ADCY3: variants seen among roughly 807,000 people sequenced by gnomAD.
The protein encoded by ADCY3 is adenylate cyclase type 3.
ADCY3 carries 70 observed loss-of-function variants against 119.4 expected under a neutral mutation model. The ratio of observed to expected loss-of-function variants is 0.59; its 90% CI spans 0.48 to 0.72. The LOEUF (loss-of-function observed/expected upper bound fraction) is 0.72. Ranked by LOEUF, ADCY3 falls within the 30% of genes least tolerant of loss-of-function variation. The probability of loss-of-function intolerance (pLI) is 0.00; values close to 1 mark genes in which losing one functional copy is unlikely to be tolerated. For synonymous variants in ADCY3, 672 were observed against 621.4 expected (o/e 1.08, Z -1.21); for missense variants, 1,238 against 1,541.6 (o/e 0.80, Z 3.30).
At chr2:24,836,656 G>A (rs992909798) in intron 9 of ADCY3, among the ~76,000 whole-genome samples, 34 of 152,198 alleles carry the variant, frequency 2.2e-4, no homozygotes, top group African/African-American at 7.0e-4. Flanking sequence ...ACAGGATTCC[G>A]GGCCATCAGA....
chr2:24,838,659 G>A (rs1428605421), intron 7 of ADCY3, 37 bp from the exon 8 acceptor site: 1 of 1,610,660 alleles, frequency 6.2e-7, no homozygotes, highest in Admixed American at 1.7e-5. Flanking sequence ...GCGTCGGCCA[G>A]AGGTGGCCCT....
chr2:24,829,650 C>T (rs1294216594), intron 13 of ADCY3, among the ~76,000 whole-genome samples: 2 of 151,588 alleles, frequency 1.3e-5, no homozygotes, highest in African/African-American at 4.9e-5. Flanking sequence ...TTTCGATCTC[C>T]TGACCTCGTG....
chr2:24,819,844 C>CA lies in ADCY3; in HGVS notation c.*87dup. On this transcript the variant is annotated 3_prime_UTR_variant, in exon 22 of 22. Transcript: ENST00000679454. ...TCTAAACCTAAAGTCCATGAGTGTGCACTTCAATCCAGGAAGGTCGGGACT... is the reference window on the plus strand; with the variant it reads ...TCTAAACCTAAAGTCCATGAGTGTGCAACTTCAATCCAGGAAGGTCGGGACT... 1 of 1,380,762 alleles carries CA rather than the reference C, an allele frequency of 7.2e-7. No homozygotes were observed. The highest frequency in any genetic ancestry group is 9.9e-7 in the Non-Finnish European group (1 of 1,005,924). The allele number at this position is 1,380,762 out of a possible 1,614,324, so 85.5% of individuals were successfully genotyped here.
Position 24,820,005 on chromosome 2 carries a change from C to T in ADCY3, c.3362G>A (p.Gly1121Glu), listed in dbSNP as rs764830082. The change falls in exon 22 of 22, where the codon GGG becomes GAG. Residue 1121 changes from glycine to glutamate, a missense_variant. Transcript: ENST00000679454. ...GGGGAAGGTGGCTAGCTTATCCCGC[C>T]CCTTCAAGAAGAAGGTCAGCAGCTC... Reference protein sequence around the residue: ...KGELLTFFLKGRDKLATFPNG... With the variant: ...KGELLTFFLKERDKLATFPNG... 1 of 1,612,826 alleles carries T rather than the reference C, an allele frequency of 6.2e-7. No individual in the cohort carries two copies. The highest frequency in any genetic ancestry group is 8.5e-7 in the Non-Finnish European group (1 of 1,179,376).
chr2:24,869,039 A>T (rs1674653671), intron 3 of ADCY3, among the ~76,000 whole-genome samples: 1 of 152,184 alleles, frequency 6.6e-6, no homozygotes, highest in African/African-American at 2.4e-5. Context: ...AAATAAATAA[A>T]TCAGAGATAA....
chr2:24,820,799 T>C lies in ADCY3; in HGVS notation c.3177A>G (p.Pro1059=). ...VLAGVIGARK[P]HYDIWGNTVN... ...CTGTATTGCCCCAGATGTCGTAGTG[T>C]GGTTTCCGGGCTCCGATGACCCCAG... Residue 1059 remains proline (P), a synonymous_variant, in exon 21 of 22, where the codon CCA becomes CCG. Coordinates refer to ENST00000679454, the MANE Select transcript of ADCY3 (RefSeq NM_004036.5). 1.2e-6 allele frequency: 2 copies of C among 1,614,124 alleles called. No homozygotes were observed. Among genetic ancestry groups the C allele is most frequent in the South Asian group, 2.2e-5 (2 of 91,076 alleles).
At chr2:24,824,686 C>T (rs1029605971) in intron 16 of ADCY3, 150 bp from the exon 17 acceptor site, 12 of 727,388 alleles carry the variant, frequency 1.6e-5, no homozygotes, top group South Asian at 1.1e-4. Flanking sequence ...GTCAGGAGTT[C>T]GAGACCAGCC....
Position 24,842,044 on chromosome 2 carries a change from T to C in ADCY3, c.956+210A>G, listed in dbSNP as rs1048398047. Reference sequence around the variant, plus strand: ...TCCCCGCTCCAGGTGATATCTGTTCTATGATGGGGTTGGACCAAGCAGCCT... The same window carrying C: ...TCCCCGCTCCAGGTGATATCTGTTCCATGATGGGGTTGGACCAAGCAGCCT... On this transcript the variant is annotated intron_variant, in intron 4 of 21. Coordinates refer to ENST00000679454, the MANE Select transcript of ADCY3 (RefSeq NM_004036.5). This position sits in a 1 kb window ranked among gnomAD's most constrained non-coding sequence, Gnocchi z 4.9. Among the ~76,000 whole-genome samples, 20 of 152,190 alleles carry C rather than the reference T, an allele frequency of 1.3e-4. No individual in the cohort carries two copies. Among genetic ancestry groups the C allele is most frequent in the African/African-American group, 4.8e-4 (20 of 41,442 alleles).
Position 24,858,081 on chromosome 2 carries a change from C to T in ADCY3, c.825+14489G>A, listed in dbSNP as rs555040886. Among the ~76,000 whole-genome samples the T allele has an allele frequency of 5.3e-5, 8 of 150,042 alleles. No homozygotes were observed. The Admixed American group carries it at 5.3e-4, about 10-fold the overall frequency. On this transcript the variant is annotated intron_variant, in intron 3 of 21. Coordinates refer to ENST00000679454, the MANE Select transcript of ADCY3 (RefSeq NM_004036.5). ...AAGTGTAGTCACAGCTCACTGCACA[C>T]TGATCTTGCTGGGCTCAGGTGATCC...
chr2:24,862,577 A>T (rs1474572887), intron 3 of ADCY3, among the ~76,000 whole-genome samples: 1 of 151,952 alleles, frequency 6.6e-6, no homozygotes, highest in African/African-American at 2.4e-5. Flanking sequence ...TAAAAAAAAT[A>T]AAAACAAATA....
chr2:24,860,746 T>C (rs1319738600), intron 3 of ADCY3, among the ~76,000 whole-genome samples: 3 of 151,994 alleles, frequency 2.0e-5, no homozygotes, highest in African/African-American at 7.3e-5. Context: ...CATCTGGGAG[T>C]TGACTGTCAT....
chr2:24,889,073 G>A (rs924386349), intron 2 of ADCY3, among the ~76,000 whole-genome samples: 11 of 152,178 alleles, frequency 7.2e-5, no homozygotes, highest in African/African-American at 2.7e-4. Context: ...ATTGATACAC[G>A]CACCTTCTGC....
chr2:24,862,517 G>T (rs1027426105), intron 3 of ADCY3, among the ~76,000 whole-genome samples: 4 of 150,554 alleles, frequency 2.7e-5, no homozygotes, highest in Non-Finnish European at 5.9e-5. Context: ...CTGCACTCCA[G>T]CCTCGGGGAC....
chr2:24,856,087 C>G (rs896958495), intron 3 of ADCY3, among the ~76,000 whole-genome samples: 10 of 152,194 alleles, frequency 6.6e-5, no homozygotes, highest in Non-Finnish European at 1.5e-4. Flanking sequence ...TGGTGAGAAG[C>G]TAAGTTTCTA....
At chr2:24,897,555 C>T (rs1022379240) in intron 2 of ADCY3, among the ~76,000 whole-genome samples, 8 of 152,168 alleles carry the variant, frequency 5.3e-5, no homozygotes, top group African/African-American at 9.7e-5. Context: ...CAGTGCCCGG[C>T]GCGAAACAGG....
intron 2 of ADCY3, among the ~76,000 whole-genome samples, chr2:24,917,405 G>A (rs1358918388): frequency 2.0e-5 from 3 of 152,214 alleles, no homozygotes; most frequent in Non-Finnish European, 4.4e-5. Context: ...GAGGCTGGCA[G>A]GCTGGGCACC....
intron 21 of ADCY3, chr2:24,820,357 T>C (rs1667414341): frequency 1.5e-6 from 2 of 1,327,032 alleles, no homozygotes; most frequent in African/African-American, 1.5e-5. Context: ...AGGATGGCCA[T>C]GGTCACCTGG....
rs1667918303 is a variant in ADCY3 at position 24,822,440 on chromosome 2, G to A, written c.3003+71C>T. The stretch of plus-strand genomic sequence containing the variant: ...GCACAGCAGTTCTTATTTCCCCCAT[G>A]CTAGGTCTGGGCTGCCAATCTCTTG... On this transcript the variant is annotated intron_variant, in intron 19 of 21. Transcript: ENST00000679454. 12 of 1,586,124 alleles carry A rather than the reference G, an allele frequency of 7.6e-6. No homozygotes were observed. In the South Asian group the frequency reaches 1.2e-4, roughly 16 times the overall value.
At chr2:24,868,227 AT>A (rs1429698363) in intron 3 of ADCY3, among the ~76,000 whole-genome samples, 2 of 152,234 alleles carry the variant, frequency 1.3e-5, no homozygotes, top group Non-Finnish European at 2.9e-5. Flanking sequence ...GATCAAAGGC[AT>A]TTCAATGAAA....
Sources: gnomAD v4.1 joint callset for allele counts (sites outside exome capture counted in the v4.1 genomes callset) on GRCh38, gnomAD v4.1.1 for gene constraint, Gnocchi (gnomAD v3.1) non-coding constraint, MANE v1.5 for transcripts, NCBI Gene and HGNC (gene_info 2026-07-23, HGNC 2026-07-21) for gene names.